Variants in TNNI3K observed in about 807,000 individuals in gnomAD.
TNNI3K encodes serine/threonine-protein kinase TNNI3K.
A neutral mutation model predicts 114.5 loss-of-function variants in TNNI3K; 140 were observed. That is an observed-to-expected ratio of 1.22 (90% CI 1.07 to 1.41). The LOEUF (loss-of-function observed/expected upper bound fraction) is 1.41. TNNI3K is among the 40% of genes most tolerant of loss of function. The pLI, the probability that TNNI3K is intolerant of heterozygous loss-of-function variation, is 0.00. For missense variants in TNNI3K, 1,125 were observed against 1,007.6 expected (o/e 1.12, Z -1.58); for synonymous variants, 347 against 347.5 (o/e 1.00, Z 0.02).
At chr1:74,506,006 C>G (rs916847292) in intron 23 of TNNI3K, among the ~76,000 whole-genome samples, 5 of 152,024 alleles carry the variant, frequency 3.3e-5, no homozygotes, top group Non-Finnish European at 7.4e-5. Flanking sequence ...GTTTTTTTGG[C>G]CTTCATCAGT....
intron 4 of TNNI3K, among the ~76,000 whole-genome samples, chr1:74,258,557 A>G (rs933165787): frequency 6.6e-6 from 1 of 152,198 alleles, no homozygotes; most frequent in Non-Finnish European, 1.5e-5. Flanking sequence ...GAGAAAGTCT[A>G]TATAAGTTGT....
At chr1:74,388,047 A>T (rs1042758553) in intron 17 of TNNI3K, among the ~76,000 whole-genome samples, 1 of 152,190 alleles carries the variant, frequency 6.6e-6, no homozygotes, top group African/African-American at 2.4e-5. Flanking sequence ...TGGGAAGCTG[A>T]GGTGGATAGA....
chr1:74,507,075 G>A (rs1669941533), intron 23 of TNNI3K, among the ~76,000 whole-genome samples: 1 of 152,042 alleles, frequency 6.6e-6, no homozygotes, highest in Admixed American at 6.6e-5. Flanking sequence ...TCTTAATTTA[G>A]TTACAAATAT....
intron 2 of TNNI3K, among the ~76,000 whole-genome samples, chr1:74,242,297 A>G (rs553031785): frequency 1.3e-5 from 2 of 152,266 alleles, no homozygotes; most frequent in African/African-American, 4.8e-5. Context: ...TGGTCAAAAG[A>G]ATGCTCTGTT....
intron 23 of TNNI3K, among the ~76,000 whole-genome samples, chr1:74,510,089 C>A (rs935623967): frequency 7.2e-5 from 11 of 152,008 alleles, no homozygotes; most frequent in East Asian, 1.9e-4. Flanking sequence ...TATTTTATTT[C>A]TTTTGTAAAA....
At chr1:74,528,581 C>A (rs1266063140) in intron 23 of TNNI3K, among the ~76,000 whole-genome samples, 1 of 152,124 alleles carries the variant, frequency 6.6e-6, no homozygotes, top group Non-Finnish European at 1.5e-5. Flanking sequence ...ATAATGGGAG[C>A]TAGGTTTCTC....
chr1:74,243,370 T>C (rs1202137351), intron 2 of TNNI3K, among the ~76,000 whole-genome samples: 3 of 152,166 alleles, frequency 2.0e-5, no homozygotes, highest in African/African-American at 4.8e-5. Flanking sequence ...CTGCAATGAA[T>C]AGGCAAGAAG....
At chr1:74,244,435 A>G (rs552904958) in intron 2 of TNNI3K, among the ~76,000 whole-genome samples, 2 of 152,086 alleles carry the variant, frequency 1.3e-5, no homozygotes, top group Non-Finnish European at 2.9e-5. Context: ...CAATTGTTGA[A>G]TAAAGAGTCA....
intron 5 of TNNI3K, among the ~76,000 whole-genome samples, chr1:74,307,537 A>C (rs1658717878): frequency 6.6e-6 from 1 of 152,204 alleles, no homozygotes; most frequent in African/African-American, 2.4e-5. Flanking sequence ...ATAAGGGACA[A>C]ATAAGGGCAT....
intron 20 of TNNI3K, among the ~76,000 whole-genome samples, chr1:74,455,310 T>C (rs1194400382): frequency 6.6e-6 from 1 of 152,132 alleles, no homozygotes; most frequent in African/African-American, 2.4e-5. Flanking sequence ...GTGAGGAAGA[T>C]GATCCAGCAG....
intron 17 of TNNI3K, among the ~76,000 whole-genome samples, chr1:74,415,574 A>T (rs1665076868): frequency 6.6e-6 from 1 of 152,048 alleles, no homozygotes; most frequent in Non-Finnish European, 1.5e-5. Context: ...TTTGTCTTTT[A>T]ATATTTGTCT....
intron 11 of TNNI3K, among the ~76,000 whole-genome samples, chr1:74,363,339 G>A (rs1224050764): frequency 6.6e-6 from 1 of 152,012 alleles, no homozygotes; most frequent in African/African-American, 2.4e-5. Context: ...GGGGAAATCA[G>A]GCAGAGATGC....
intron 11 of TNNI3K, among the ~76,000 whole-genome samples, chr1:74,358,601 G>A (rs1402663691): frequency 1.3e-5 from 2 of 151,900 alleles, no homozygotes; most frequent in African/African-American, 4.8e-5. Flanking sequence ...GAACTCTCAG[G>A]CTTTTTCTAT....
At chr1:74,265,817 T>C (rs1425643344) in intron 4 of TNNI3K, among the ~76,000 whole-genome samples, 3 of 151,940 alleles carry the variant, frequency 2.0e-5, no homozygotes, top group African/African-American at 7.2e-5. Context: ...GAAGTGCCCA[T>C]CAATATTGAA....
At chr1:74,412,251 G>A (rs1664915367) in intron 17 of TNNI3K, among the ~76,000 whole-genome samples, 1 of 151,982 alleles carries the variant, frequency 6.6e-6, no homozygotes, top group Admixed American at 6.6e-5. Context: ...TTCTTTGGTA[G>A]ATTGTTATAT....
chr1:74,373,768 T>A (rs1048745076), intron 17 of TNNI3K: 1 of 151,810 alleles, frequency 6.6e-6, no homozygotes, highest in African/African-American at 2.4e-5. Flanking sequence ...ACTTTTATAT[T>A]TGAGTTTGTG....
intron 23 of TNNI3K, among the ~76,000 whole-genome samples, chr1:74,505,969 GA>G (rs1669874485): frequency 6.6e-6 from 1 of 152,130 alleles, no homozygotes; most frequent in Non-Finnish European, 1.5e-5. Flanking sequence ...CTTTCAAAGA[GA>G]AAGTAAAAAA....
chr1:74,336,685 AT>A (rs1253789621), intron 7 of TNNI3K, among the ~76,000 whole-genome samples: 1 of 151,394 alleles, frequency 6.6e-6, no homozygotes, highest in Non-Finnish European at 1.5e-5. Context: ...TGAACTCATC[AT>A]TTTTTATGGC....
chr1:74,522,862 G>C (rs1646452865), intron 23 of TNNI3K, among the ~76,000 whole-genome samples: 1 of 152,310 alleles, frequency 6.6e-6, no homozygotes, highest in Middle Eastern at 3.4e-3. Context: ...ATTAAACTGT[G>C]AACACATAAA....
Sources: allele counts gnomAD v4.1 joint callset (sites outside exome capture counted in the v4.1 genomes callset), GRCh38; gene constraint gnomAD v4.1.1; transcripts MANE v1.5; gene names NCBI Gene and HGNC (gene_info 2026-07-23, HGNC 2026-07-21).